Variants in SLC16A9 observed in about 807,000 individuals in gnomAD.
The protein encoded by SLC16A9 is solute carrier family 16 member 9.
In SLC16A9, 26 loss-of-function variants were observed where a neutral mutation model predicts 44.3. The ratio of observed to expected loss-of-function variants is 0.59; its 90% CI spans 0.43 to 0.81. The LOEUF is 0.81. Among genes scored for constraint, SLC16A9 ranks in the 40% least tolerant of loss-of-function variants. The pLI is 0.00. For missense variants in SLC16A9, 559 were observed against 595.8 expected (o/e 0.94, Z 0.64); for synonymous variants, 230 against 225.1 (o/e 1.02, Z -0.19).
At chr10:59,675,637 A>G (rs914283748) in intron 2 of SLC16A9, among the ~76,000 whole-genome samples, 1 of 151,440 alleles carries the variant, frequency 6.6e-6, no homozygotes, top group Non-Finnish European at 1.5e-5. Flanking sequence ...AAAATGGTGG[A>G]TGTACGACCT....
chr10:59,664,320 G>T lies in SLC16A9; in HGVS notation c.343C>A (p.Leu115Ile). The change falls in exon 4 of 6, where the codon CTT (leucine) becomes ATT (isoleucine). Residue 115 changes from leucine (L) to isoleucine (I), a missense_variant and splice_region_variant. Physicochemically the swap from Leu to Ile is conservative, Grantham distance 5. Transcript: ENST00000395348. ...GCAGTGTATAATAAACCACATCCAA[G>T]ACCTAAGCATGAGAAGACATTGCAT... is the stretch of plus-strand genomic sequence containing the variant. The part of the protein sequence containing the change: ...LFFSYGIVVG[L>I]GCGLLYTATV... 6.2e-7 allele frequency: 1 copy of T among 1,604,556 alleles called. No homozygotes were observed. The highest frequency in any genetic ancestry group is 1.1e-5 in the South Asian group (1 of 89,636).
chr10:59,684,383 G>A (rs990989033), intron 1 of SLC16A9, 56 bp from the exon 2 acceptor site: 40 of 963,870 alleles, frequency 4.1e-5, no homozygotes, highest in Admixed American at 6.1e-5. Context: ...AGGGCACAGC[G>A]CTTGGGGTAA....
rs937589970 is a variant in SLC16A9 at position 59,709,600 on chromosome 10, G to A, written c.-158C>T. 1 of 152,440 alleles carries A rather than the reference G, an allele frequency of 6.6e-6. No homozygotes were observed. Among genetic ancestry groups the A allele is most frequent in the African/African-American group, 2.4e-5 (1 of 41,450 alleles). The allele number at this position is 152,440 out of a possible 1,614,324, so 9.4% of individuals were successfully genotyped here. A position where few individuals can be genotyped will look rare whatever the true frequency, so the allele number is the denominator to read the frequency against. ...TCTCCCCTGCAGCTCCGGGCCAGCC[G>A]GGCGGCTATTTATCCGAGCCAGCTG... is the stretch of plus-strand genomic sequence containing the variant. On this transcript the variant is annotated 5_prime_UTR_variant, in exon 1 of 6. Transcript: ENST00000395348.
intron 1 of SLC16A9, among the ~76,000 whole-genome samples, chr10:59,684,825 T>C (rs1178159399): frequency 1.3e-5 from 2 of 152,206 alleles, no homozygotes; most frequent in Non-Finnish European, 2.9e-5. Flanking sequence ...CCTTCAGAGA[T>C]GTGCTGAGCT....
At chr10:59,683,997 T>C in intron 2 of SLC16A9, 99 bp downstream of exon 2, 1 of 949,478 alleles carries the variant, frequency 1.1e-6, no homozygotes, top group Admixed American at 2.7e-5. Flanking sequence ...ATGTTATACT[T>C]TGAAAAGAAA....
In SLC16A9 at chr10:59,652,326, A is replaced by G. The variant is rs1330392697; in HGVS notation, c.*446T>C. On this transcript the variant is annotated 3_prime_UTR_variant, in exon 6 of 6. Coordinates refer to ENST00000395348, the MANE Select transcript of SLC16A9 (RefSeq NM_194298.3). Reference sequence around the variant, plus strand: ...TTCTGTTTACTAGCAAGTCAAACATAGAGAAGAGAATGATTTATTTCCTAG... The same window carrying G: ...TTCTGTTTACTAGCAAGTCAAACATGGAGAAGAGAATGATTTATTTCCTAG... The G allele has an allele frequency of 2.0e-5, 3 of 152,494 alleles. No individual in the cohort carries two copies. The highest frequency in any genetic ancestry group is 4.4e-5 in the Non-Finnish European group (3 of 68,252). 9.4% of individuals were successfully genotyped at this position (152,494 alleles called of 1,614,324 possible).
At chr10:59,659,587 T>C (rs576884316) in intron 4 of SLC16A9, among the ~76,000 whole-genome samples, 1 of 152,190 alleles carries the variant, frequency 6.6e-6, no homozygotes, top group Admixed American at 6.5e-5. Context: ...ACTGGACAGA[T>C]CAATGAGACA....
intron 4 of SLC16A9, among the ~76,000 whole-genome samples, chr10:59,659,319 G>A (rs951194535): frequency 6.6e-6 from 1 of 152,088 alleles, no homozygotes; most frequent in Non-Finnish European, 1.5e-5. Context: ...GTGGAGACAT[G>A]ATCAGCATCA....
chr10:59,684,436 AG>A (rs1840089644), intron 1 of SLC16A9, 109 bp from the exon 2 acceptor site: 1 of 514,326 alleles, frequency 1.9e-6, no homozygotes, highest in Non-Finnish European at 3.3e-6. Context: ...GGTTCTCCAA[AG>A]ACATACATGG....
chr10:59,658,506 G>C (rs977437492), intron 4 of SLC16A9, among the ~76,000 whole-genome samples: 1 of 152,206 alleles, frequency 6.6e-6, no homozygotes, highest in Non-Finnish European at 1.5e-5. Context: ...AGTGACAGAA[G>C]AGGATTCAAA....
chr10:59,682,951 C>A (rs1369027798), intron 2 of SLC16A9, among the ~76,000 whole-genome samples: 7 of 151,906 alleles, frequency 4.6e-5, no homozygotes, highest in African/African-American at 1.7e-4. Flanking sequence ...GTTTTTTAAG[C>A]CTTTTTTTCT....
intron 1 of SLC16A9, among the ~76,000 whole-genome samples, chr10:59,695,560 G>A (rs1028585296): frequency 6.6e-6 from 1 of 152,004 alleles, no homozygotes. Context: ...CCCCCACCTC[G>A]TCAATGGCCC....
At chr10:59,696,340 G>T (rs1412795269) in intron 1 of SLC16A9, among the ~76,000 whole-genome samples, 2 of 152,238 alleles carry the variant, frequency 1.3e-5, no homozygotes, top group Non-Finnish European at 2.9e-5. Context: ...TCCTAACCGC[G>T]AGTGATCCGC....
intron 1 of SLC16A9, among the ~76,000 whole-genome samples, chr10:59,706,052 CA>C (rs1305416577): frequency 2.6e-5 from 4 of 152,182 alleles, no homozygotes; most frequent in Admixed American, 2.6e-4. Flanking sequence ...TCTTTTCCAT[CA>C]AGGAAATCCT....
rs1554871606 is a variant in SLC16A9, at chr10:59,681,720, G to GTGT, written c.196+2375_196+2376insACA. ...TATATATGTATATGTATATGTATATGATGTATATGTATATGTATATGATGT... is the reference window on the plus strand; with the variant it reads ...TATATATGTATATGTATATGTATATGTGTATGTATATGTATATGTATATGATGT... On this transcript the variant is annotated intron_variant, in intron 2 of 5. Coordinates refer to ENST00000395348, the MANE Select transcript of SLC16A9 (RefSeq NM_194298.3). Among the ~76,000 whole-genome samples, 17 of 3,550 alleles carry GTGT rather than the reference G, an allele frequency of 4.8e-3. 2 individuals are homozygous for GTGT. Among genetic ancestry groups the GTGT allele is most frequent in the Non-Finnish European group, 0.021 (15 of 714 alleles). The allele number at this position is 3,550 out of a possible 152,430, so 2.3% of individuals were successfully genotyped here. A position where few individuals can be genotyped will look rare whatever the true frequency, so the allele number is the denominator to read the frequency against.
intron 3 of SLC16A9, among the ~76,000 whole-genome samples, chr10:59,669,742 C>G (rs917964363): frequency 6.6e-6 from 1 of 151,758 alleles, no homozygotes; most frequent in Non-Finnish European, 1.5e-5. Context: ...GAGGCTGAGG[C>G]AGGAGAATCG....
At chr10:59,657,278 G>A (rs954566308) in intron 4 of SLC16A9, among the ~76,000 whole-genome samples, 4 of 152,308 alleles carry the variant, frequency 2.6e-5, no homozygotes, top group East Asian at 1.9e-4. Context: ...CAGTAGGCCA[G>A]ATTTGGCCCA....
intron 3 of SLC16A9, among the ~76,000 whole-genome samples, chr10:59,668,115 C>T (rs892874124): frequency 9.2e-5 from 14 of 152,014 alleles, no homozygotes; most frequent in African/African-American, 2.9e-4. Flanking sequence ...ATAGCTGTCT[C>T]AGCCTTCAGT....
chr10:59,679,562 C>A (rs1404941156), intron 2 of SLC16A9, among the ~76,000 whole-genome samples: 6 of 152,204 alleles, frequency 3.9e-5, no homozygotes, highest in Non-Finnish European at 8.8e-5. Flanking sequence ...GCTCTTAAAG[C>A]CTTTCAACAA....
Sources: allele counts gnomAD v4.1 joint callset (sites outside exome capture counted in the v4.1 genomes callset), GRCh38; gene constraint gnomAD v4.1.1; transcripts MANE v1.5; gene names NCBI Gene and HGNC (gene_info 2026-07-23, HGNC 2026-07-21).